Variants in CCDC171 observed in about 807,000 individuals in gnomAD.
CCDC171 encodes the protein coiled-coil domain containing 171.
A neutral mutation model predicts 168.2 loss-of-function variants in CCDC171; 177 were observed. The ratio of observed to expected loss-of-function variants is 1.05; its 90% CI spans 0.93 to 1.19. The LOEUF is 1.19. Among genes scored for constraint, CCDC171 ranks in the 50% most tolerant of loss-of-function variants. The pLI, the probability that CCDC171 is intolerant of heterozygous loss-of-function variation, is 0.00. For missense variants in CCDC171, 1,991 were observed against 1,539.0 expected (o/e 1.29, Z -4.91); for synonymous variants, 687 against 540.8 (o/e 1.27, Z -3.75).
rs572707384 is a variant in CCDC171 at position 15,742,802 on chromosome 9, T to G, written c.2050-1471T>G. On this transcript the variant is annotated intron_variant, in intron 16 of 25. Transcript: ENST00000380701. ...ATGTGATTTAGTAACTAATCAATAC[T>G]TTTTTTTTTCTTTTTTAATAGAAAC... Among the ~76,000 whole-genome samples the G allele has an allele frequency of 5.5e-4, 80 of 145,208 alleles. 1 individual carries two copies. In the South Asian group the frequency reaches 5.7e-3, roughly 10 times the overall value.
chr9:15,559,346 C>T (rs1217274982), intron 1 of CCDC171, among the ~76,000 whole-genome samples: 1 of 151,860 alleles, frequency 6.6e-6, no homozygotes, highest in East Asian at 1.9e-4. Context: ...TAAAGTCTCC[C>T]ATTATTATTG....
chr9:15,946,894 T>C (rs997390281), intron 25 of CCDC171, among the ~76,000 whole-genome samples: 4 of 152,052 alleles, frequency 2.6e-5, no homozygotes, highest in African/African-American at 9.7e-5. Context: ...GCTTGACTTA[T>C]TGATGACGGG....
chr9:16,108,670 A>C, the CCDC171 span, among the ~76,000 whole-genome samples: 2 of 152,238 alleles, frequency 1.3e-5, no homozygotes, highest in Non-Finnish European at 2.9e-5. Flanking sequence ...TCCATTCCAC[A>C]AAGCATGTAA....
intron 11 of CCDC171, among the ~76,000 whole-genome samples, chr9:15,700,891 C>T (rs1310678883): frequency 1.3e-5 from 2 of 151,840 alleles, no homozygotes; most frequent in East Asian, 3.8e-4. Flanking sequence ...CACATCTTCC[C>T]CATTATTAGT....
chr9:15,699,068 C>T (rs1232276504), intron 11 of CCDC171, among the ~76,000 whole-genome samples: 8 of 140,912 alleles, frequency 5.7e-5, no homozygotes, highest in Admixed American at 4.2e-4. Context: ...AGAATGAAGC[C>T]GTGGACCCTT....
At chr9:15,849,015 A>T in intron 23 of CCDC171, 68 bp downstream of exon 23, 1 of 746,858 alleles carries the variant, frequency 1.3e-6, no homozygotes, top group Non-Finnish European at 2.1e-6. Context: ...TTTATTAGCC[A>T]CAAAGTACTT....
intron 3 of CCDC171, among the ~76,000 whole-genome samples, chr9:16,014,088 T>G (rs1464570096): frequency 6.6e-6 from 1 of 152,220 alleles, no homozygotes; most frequent in Non-Finnish European, 1.5e-5. Context: ...ATTTTACACA[T>G]AGTGGAACTT....
intron 25 of CCDC171, among the ~76,000 whole-genome samples, chr9:15,943,661 A>T (rs78851863): frequency 7.0e-4 from 107 of 152,096 alleles, no homozygotes; most frequent in African/African-American, 2.4e-3. Flanking sequence ...TCAATAAATT[A>T]TCTTCCCTTT....
chr9:15,584,124 C>A (rs539784141), intron 4 of CCDC171, among the ~76,000 whole-genome samples: 1 of 152,330 alleles, frequency 6.6e-6, no homozygotes, highest in South Asian at 2.1e-4. Context: ...GCCTCGGCCT[C>A]CCAAAGTGCT....
chr9:15,810,593 G>T (rs2059304892), intron 21 of CCDC171, among the ~76,000 whole-genome samples: 1 of 152,172 alleles, frequency 6.6e-6, no homozygotes, highest in South Asian at 2.1e-4. Flanking sequence ...CACGGTGCGG[G>T]CGGGCCGGCA....
Position 15,808,810 on chromosome 9 carries a change from G to A in CCDC171, c.3267+24116G>A, listed in dbSNP as rs79670976. Among the ~76,000 whole-genome samples the A allele has an allele frequency of 9.9e-3, 1,512 of 152,180 alleles. 26 individuals carry two copies. Among genetic ancestry groups the A allele is most frequent in the African/African-American group, 0.035 (1,447 of 41,498 alleles). ...ATAGGATGTTGCCTTAGTCTATTTG[G>A]GCTGCTGTACCAAAATACAATAAAC... On this transcript the variant is annotated intron_variant, in intron 21 of 25. Coordinates refer to ENST00000380701, the MANE Select transcript of CCDC171 (RefSeq NM_173550.4).
At chr9:15,958,817 A>T (rs1311082231) in intron 25 of CCDC171, among the ~76,000 whole-genome samples, 2 of 152,138 alleles carry the variant, frequency 1.3e-5, no homozygotes, top group African/African-American at 2.4e-5. Context: ...CAGTCAAGTT[A>T]TCCAAGGGGT....
chr9:16,045,484 T>C (rs1189140621), intron 1 of CCDC171, among the ~76,000 whole-genome samples: 1 of 152,166 alleles, frequency 6.6e-6, no homozygotes, highest in Non-Finnish European at 1.5e-5. Flanking sequence ...TCACGGCTTA[T>C]TGTCATGGGT....
In CCDC171 at chr9:15,819,278, G is replaced by T. The variant is rs2136072568; in HGVS notation, c.3268-27424G>T. 1.7e-5 allele frequency among the ~76,000 whole-genome samples: 2 copies of T among 117,712 alleles called. 1 individual carries two copies. The highest frequency in any genetic ancestry group is 5.6e-4 in the South Asian group (2 of 3,548). The allele number at this position is 117,712 out of a possible 152,430, so 77.2% of individuals were successfully genotyped here. A position where few individuals can be genotyped will look rare whatever the true frequency, so the allele number is the denominator to read the frequency against. On this transcript the variant is annotated intron_variant, in intron 21 of 25. Transcript: ENST00000380701. ...AGACCATCGAGGCTAGGAAGAAACT[G>T]CATCAACTAACGAGCAAAATAACCA...
intron 21 of CCDC171, among the ~76,000 whole-genome samples, chr9:15,803,700 C>T (rs1405260291): frequency 4.0e-5 from 6 of 151,842 alleles, no homozygotes; most frequent in Non-Finnish European, 8.8e-5. Context: ...TAGCATGATA[C>T]CTCCAGTTTT....
At chr9:15,696,138 C>T (rs1403618375) in intron 11 of CCDC171, among the ~76,000 whole-genome samples, 14 of 152,174 alleles carry the variant, frequency 9.2e-5, no homozygotes, top group Admixed American at 9.2e-4. Flanking sequence ...TTAAATTTCT[C>T]ACTCTTAAAA....
intron 7 of CCDC171, among the ~76,000 whole-genome samples, chr9:15,635,579 G>A (rs1420073643): frequency 6.6e-6 from 1 of 152,008 alleles, no homozygotes; most frequent in East Asian, 1.9e-4. Flanking sequence ...CCAGACTGAG[G>A]GTAGGCTGCC....
chr9:15,667,811 A>G (rs146292321), intron 9 of CCDC171, among the ~76,000 whole-genome samples: 36 of 152,322 alleles, frequency 2.4e-4, no homozygotes, highest in African/African-American at 8.7e-4. Context: ...TTAATTAATA[A>G]TGCTTATAAT....
intron 7 of CCDC171, among the ~76,000 whole-genome samples, chr9:15,633,805 A>C (rs2045963940): frequency 6.6e-6 from 1 of 152,242 alleles, no homozygotes; most frequent in African/African-American, 2.4e-5. Context: ...CTGGATTAAG[A>C]AAATGTGGCA....
Sources: allele counts gnomAD v4.1 joint callset (sites outside exome capture counted in the v4.1 genomes callset), GRCh38; gene constraint gnomAD v4.1.1; transcripts MANE v1.5; gene names NCBI Gene and HGNC (gene_info 2026-07-23, HGNC 2026-07-21).